Variants in RBFOX1 observed in about 807,000 individuals in gnomAD.
RBFOX1 encodes RNA binding fox-1 homolog 1.
In RBFOX1, 8 loss-of-function variants were observed where a neutral mutation model predicts 57.7. That is an observed-to-expected ratio of 0.14 (90% confidence interval 0.08 to 0.25). The LOEUF is 0.25. Among genes scored for constraint, RBFOX1 ranks in the 10% least tolerant of loss-of-function variants. RBFOX1 has a pLI of 1.00. For synonymous variants in RBFOX1, 326 were observed against 222.4 expected (o/e 1.47, Z -4.15); for missense variants, 611 against 548.5 (o/e 1.11, Z -1.14).
chr16:7,209,480 T>G (rs888496240), intron 4 of RBFOX1, among the ~76,000 whole-genome samples: 2 of 152,192 alleles, frequency 1.3e-5, no homozygotes, highest in African/African-American at 2.4e-5. Context: ...TCAAGGCCTT[T>G]GCACTTGCAG....
chr16:5,656,880 A>G (rs540226108), intron 3 of RBFOX1, among the ~76,000 whole-genome samples: 1 of 152,338 alleles, frequency 6.6e-6, no homozygotes, highest in South Asian at 2.1e-4. Context: ...GGAGTTGAAC[A>G]ATGAGAAAAT....
intron 2 of RBFOX1, among the ~76,000 whole-genome samples, chr16:6,319,915 A>T (rs1205125311): frequency 1.3e-5 from 2 of 152,148 alleles, no homozygotes; most frequent in African/African-American, 4.8e-5. Context: ...TAATTGTGCA[A>T]ACTTTATTTT....
chr16:5,920,994 G>T lies in RBFOX1; in HGVS notation c.351+53659G>T, dbSNP rs2058808778. ...CTCTTCCCTGTGTGACGTTGAGCAG[G>T]AGACTCCATGGATAATGGGAATCAT... On this transcript the variant is annotated intron_variant, in intron 4 of 19. Coordinates refer to the RBFOX1 transcript ENST00000641259. 2.0e-5 allele frequency among the ~76,000 whole-genome samples: 3 copies of T among 152,296 alleles called. 1 individual carries two copies. The South Asian group carries it at 6.2e-4, about 32-fold the overall frequency.
chr16:6,366,936 C>G lies in RBFOX1; in HGVS notation c.-64+49879C>G, dbSNP rs570105949. 1.2e-3 allele frequency among the ~76,000 whole-genome samples: 182 copies of G among 152,210 alleles called. 1 individual carries two copies. Among genetic ancestry groups the G allele is most frequent in the Non-Finnish European group, 2.1e-3 (144 of 68,042 alleles). ...TCTTCTGACTGTGTGTCACCTTTCA[C>G]AAGGAGCATTTCCTACACTGTGAAA... On this transcript the variant is annotated intron_variant, in intron 2 of 15. Coordinates refer to ENST00000550418, the MANE Select transcript of RBFOX1 (RefSeq NM_018723.4).
intron 4 of RBFOX1, among the ~76,000 whole-genome samples, chr16:7,052,971 T>C (rs2050619813): frequency 6.6e-6 from 1 of 152,218 alleles, no homozygotes; most frequent in South Asian, 2.1e-4. Flanking sequence ...ATGCTGCTTT[T>C]AAAACCACAA....
chr16:6,744,148 T>C (rs1198046895), intron 3 of RBFOX1, among the ~76,000 whole-genome samples: 1 of 152,068 alleles, frequency 6.6e-6, no homozygotes, highest in East Asian at 1.9e-4. Context: ...AAGAAGGTAA[T>C]TTCACAATGG....
At position 5,285,200 on chromosome 16, in the gene RBFOX1, C is replaced by G. The variant is rs184266438; in HGVS notation, c.219+45095C>G. ...ATTATTTTAAAAGACTAGTCTTCAA[C>G]TTCAGAAATTCTTTGTTTTGCTTGA... On this transcript the variant is annotated intron_variant, in intron 1 of 2. Coordinates refer to the RBFOX1 transcript ENST00000585867. Among the ~76,000 whole-genome samples, 123 of 152,222 alleles carry G rather than the reference C, an allele frequency of 8.1e-4. 2 individuals carry two copies. In the East Asian group the frequency reaches 0.022, roughly 27 times the overall value.
intron 4 of RBFOX1, among the ~76,000 whole-genome samples, chr16:7,469,203 G>A (rs1158422268): frequency 6.7e-6 from 1 of 150,136 alleles, no homozygotes; most frequent in East Asian, 2.0e-4. Context: ...CAAAATGCTG[G>A]GATTACAAGC....
At chr16:5,898,384 G>A (rs982102136) in intron 4 of RBFOX1, among the ~76,000 whole-genome samples, 4 of 152,140 alleles carry the variant, frequency 2.6e-5, no homozygotes, top group African/African-American at 9.7e-5. Context: ...GGGAGGACAT[G>A]ACCCAGAAGA....
intron 3 of RBFOX1, among the ~76,000 whole-genome samples, chr16:6,730,439 T>A (rs1206976257): frequency 4.2e-5 from 1 of 23,578 alleles, no homozygotes; most frequent in East Asian, 0.25. Context: ...ATCTAATCTA[T>A]CAATTTATCA....
chr16:7,267,704 A>G (rs967377657), intron 4 of RBFOX1, among the ~76,000 whole-genome samples: 1 of 151,972 alleles, frequency 6.6e-6, no homozygotes, highest in African/African-American at 2.4e-5. Context: ...AAAATACAAA[A>G]AATTAACTGG....
At chr16:5,303,453 G>C (rs185376209) in intron 1 of RBFOX1, among the ~76,000 whole-genome samples, 11 of 152,280 alleles carry the variant, frequency 7.2e-5, no homozygotes, top group Admixed American at 7.2e-4. Flanking sequence ...TCTGTTTGCT[G>C]TCACCTCTCT....
chr16:6,238,335 G>T (rs993410363), intron 1 of RBFOX1, among the ~76,000 whole-genome samples: 4 of 152,034 alleles, frequency 2.6e-5, no homozygotes, highest in African/African-American at 9.7e-5. Flanking sequence ...CTTAATCCAG[G>T]AACCTCTATC....
At position 7,009,347 on chromosome 16, in the gene RBFOX1, C is replaced by T. The variant is rs116948835; in HGVS notation, c.-15-42710C>T. On this transcript the variant is annotated intron_variant, in intron 3 of 15. Transcript: ENST00000550418. ...GTACATGTATAATTTGAAGACCCTG[C>T]GCCAAGCAGTCTCTTGGAATTAGAA... 3.6e-3 allele frequency among the ~76,000 whole-genome samples: 538 copies of T among 150,104 alleles called. 4 individuals are homozygous for T. Among genetic ancestry groups the T allele is most frequent in the East Asian group, 0.024 (119 of 5,014 alleles).
chr16:6,116,178 C>T (rs996373038), intron 1 of RBFOX1, among the ~76,000 whole-genome samples: 1 of 151,646 alleles, frequency 6.6e-6, no homozygotes, highest in African/African-American at 2.4e-5. Context: ...AACAGAAAAC[C>T]GAACACCGTA....
chr16:6,357,908 G>C (rs895268592), intron 2 of RBFOX1, among the ~76,000 whole-genome samples: 3 of 149,556 alleles, frequency 2.0e-5, no homozygotes, highest in Non-Finnish European at 4.4e-5. Context: ...CTTGAGCTGA[G>C]ATCGTGCCAC....
intron 4 of RBFOX1, among the ~76,000 whole-genome samples, chr16:7,430,420 G>A (rs1275196569): frequency 3.3e-5 from 5 of 152,110 alleles, no homozygotes; most frequent in African/African-American, 9.7e-5. Flanking sequence ...CCAGCACTTC[G>A]GGAGGCTGAG....
At chr16:7,063,626 A>C (rs1476403517) in intron 4 of RBFOX1, among the ~76,000 whole-genome samples, 1 of 152,188 alleles carries the variant, frequency 6.6e-6, no homozygotes, top group Non-Finnish European at 1.5e-5. Context: ...GCCTTATCCT[A>C]GGAATGCTAT....
chr16:6,852,913 G>A (rs2094146697), intron 3 of RBFOX1, among the ~76,000 whole-genome samples: 1 of 152,168 alleles, frequency 6.6e-6, no homozygotes, highest in Admixed American at 6.5e-5. Context: ...TGCATGCTGG[G>A]AACTAGCTGT....
Sources: allele counts gnomAD v4.1 joint callset (sites outside exome capture counted in the v4.1 genomes callset), GRCh38; gene constraint gnomAD v4.1.1; transcripts MANE v1.5; gene names NCBI Gene and HGNC (gene_info 2026-07-23, HGNC 2026-07-21).